Variants in SLC38A12 observed in about 807,000 individuals in gnomAD.
SLC38A12 encodes putative sodium-coupled neutral amino acid transporter 12.
the SLC38A12 span, among the ~76,000 whole-genome samples, chr17:74,830,385 T>C: frequency 6.6e-6 from 1 of 152,224 alleles, no homozygotes; most frequent in Non-Finnish European, 1.5e-5. Flanking sequence ...CCTGTCCTCC[T>C]CCCTGCCAAG....
At chr17:74,795,493 AGCCTGG>A in the SLC38A12 span, 1 of 1,603,296 alleles carries the variant, frequency 6.2e-7, no homozygotes, top group African/African-American at 1.3e-5. Flanking sequence ...GGCCTCGCTG[AGCCTGG>A]GCCTGCTGTC....
chr17:74,788,148 C>T, the SLC38A12 span, among the ~76,000 whole-genome samples: 4 of 152,174 alleles, frequency 2.6e-5, no homozygotes, highest in African/African-American at 4.8e-5. Context: ...AGTCTGACTT[C>T]TTGGCAAGCG....
At chr17:74,836,442 C>T in the SLC38A12 span, 1 of 1,608,314 alleles carries the variant, frequency 6.2e-7, no homozygotes, top group East Asian at 2.2e-5. This position sits in a 1 kb window ranked among gnomAD's most constrained non-coding sequence, Gnocchi z 4.2. Flanking sequence ...CTTCTGCACC[C>T]ACGACCTGGA....
chr17:74,780,994 AG>A, the SLC38A12 span, among the ~76,000 whole-genome samples: 1 of 152,188 alleles, frequency 6.6e-6, no homozygotes, highest in Non-Finnish European at 1.5e-5. Flanking sequence ...TGCCCCCCAG[AG>A]GACAGTAGGC....
chr17:74,836,331 A>C, the SLC38A12 span: 2 of 1,612,824 alleles, frequency 1.2e-6, no homozygotes, highest in Non-Finnish European at 1.7e-6. The surrounding 1 kb of genome is among the most constrained non-coding windows in gnomAD (Gnocchi z 4.2). Flanking sequence ...CCTGCGCAAC[A>C]ACTGGAAGAC....
At chr17:74,797,203 G>T in the SLC38A12 span, among the ~76,000 whole-genome samples, 1 of 152,226 alleles carries the variant, frequency 6.6e-6, no homozygotes, top group African/African-American at 2.4e-5. Flanking sequence ...TTCTTGCCTT[G>T]TTAAATGGTT....
At chr17:74,818,001 T>C in the SLC38A12 span, among the ~76,000 whole-genome samples, 1 of 152,180 alleles carries the variant, frequency 6.6e-6, no homozygotes, top group South Asian at 2.1e-4. Flanking sequence ...GCTCTGTGTT[T>C]ATGCATTCTT....
the SLC38A12 span, among the ~76,000 whole-genome samples, chr17:74,798,445 C>G: frequency 6.6e-6 from 1 of 152,350 alleles, no homozygotes; most frequent in South Asian, 2.1e-4. Context: ...AGCCCTTGAC[C>G]TTCACCAGTG....
the SLC38A12 span, chr17:74,839,339 C>T: frequency 8.7e-5 from 56 of 640,100 alleles, no homozygotes; most frequent in Non-Finnish European, 1.4e-4. Context: ...AGGACAGGGG[C>T]TGCTGCCCCG....
chr17:74,833,576 T>TAGAGGAGC, the SLC38A12 span, among the ~76,000 whole-genome samples: 1 of 152,102 alleles, frequency 6.6e-6, no homozygotes, highest in African/African-American at 2.4e-5. Context: ...GCTGGGGAGT[T>TAGAGGAGC]AGAGGAGCAG....
the SLC38A12 span, among the ~76,000 whole-genome samples, chr17:74,784,849 T>G: frequency 1.3e-5 from 2 of 151,892 alleles, no homozygotes; most frequent in African/African-American, 2.4e-5. Flanking sequence ...GGTGATAAAA[T>G]GGAATTAGCT....
the SLC38A12 span, among the ~76,000 whole-genome samples, chr17:74,785,065 A>G: frequency 2.6e-5 from 4 of 152,250 alleles, no homozygotes; most frequent in Middle Eastern, 3.4e-3. Flanking sequence ...TCACATGCTC[A>G]GTGATCTTGG....
At chr17:74,795,646 C>T in the SLC38A12 span, 7 of 1,604,784 alleles carry the variant, frequency 4.4e-6, no homozygotes, top group Non-Finnish European at 5.1e-6. Flanking sequence ...AGTGTCTGTG[C>T]CTCTGTGCCG....
At chr17:74,825,875 G>A in the SLC38A12 span, among the ~76,000 whole-genome samples, 11 of 152,142 alleles carry the variant, frequency 7.2e-5, no homozygotes, top group African/African-American at 2.4e-4. Flanking sequence ...GGGCTGCCAC[G>A]GCCCACAGCA....
chr17:74,836,293 G>A, the SLC38A12 span: 3 of 1,612,540 alleles, frequency 1.9e-6, no homozygotes, highest in South Asian at 2.2e-5. The surrounding 1 kb of genome is among the most constrained non-coding windows in gnomAD (Gnocchi z 4.2). Context: ...TTCACCATCA[G>A]CACCAACTTC....
At chr17:74,834,636 C>T in the SLC38A12 span, among the ~76,000 whole-genome samples, 1 of 152,204 alleles carries the variant, frequency 6.6e-6, no homozygotes. Flanking sequence ...GCAAAAGAGC[C>T]CTGGGGCTCT....
At chr17:74,836,313 G>T in the SLC38A12 span, 1 of 1,612,852 alleles carries the variant, frequency 6.2e-7, no homozygotes, top group Admixed American at 1.7e-5. The surrounding 1 kb of genome is among the most constrained non-coding windows in gnomAD (Gnocchi z 4.2). Flanking sequence ...CCCCATCATT[G>T]CCGTGACCCT....
chr17:74,820,863 G>A, the SLC38A12 span, among the ~76,000 whole-genome samples: 31 of 152,176 alleles, frequency 2.0e-4, no homozygotes, highest in African/African-American at 3.4e-4. Flanking sequence ...CATGGTCGCC[G>A]AGGACACTTT....
the SLC38A12 span, among the ~76,000 whole-genome samples, chr17:74,778,217 G>T: frequency 7.5e-4 from 114 of 152,294 alleles, no homozygotes; most frequent in African/African-American, 2.7e-3. Flanking sequence ...CAACACACAC[G>T]CAGTTTATCT....
Sources: gnomAD v4.1 joint callset for allele counts (sites outside exome capture counted in the v4.1 genomes callset) on GRCh38, gnomAD v4.1.1 for gene constraint, Gnocchi (gnomAD v3.1) non-coding constraint, MANE v1.5 for transcripts, NCBI Gene and HGNC (gene_info 2026-07-23, HGNC 2026-07-21) for gene names.